CIC: variants seen among roughly 807,000 people sequenced by gnomAD.
CIC encodes the protein capicua transcriptional repressor.
A neutral mutation model predicts 115.7 loss-of-function variants in CIC; 18 were observed. The ratio of observed to expected loss-of-function variants is 0.16; its 90% confidence interval spans 0.11 to 0.23. The LOEUF is 0.23. Among genes scored for constraint, CIC ranks in the 10% least tolerant of loss-of-function variants. The pLI, the probability that CIC is intolerant of heterozygous loss-of-function variation, is 1.00. For missense variants in CIC, 2,000 were observed against 2,159.3 expected (o/e 0.93, Z 1.46); for synonymous variants, 1,076 against 923.0 (o/e 1.17, Z -3.01).
chr19:42,281,770 C>A (rs536471693), intron 2 of CIC, among the ~76,000 whole-genome samples: 9 of 152,368 alleles, frequency 5.9e-5, no homozygotes, highest in Admixed American at 5.9e-4. Flanking sequence ...TGGTTGTACC[C>A]TGCCCCGGAC....
In CIC at chr19:42,272,961, T is replaced by C; in HGVS notation, c.1178T>C (p.Leu393Pro). 2 of 399,034 alleles carry C rather than the reference T, an allele frequency of 5.0e-6. No individual in the cohort carries two copies. The highest frequency in any genetic ancestry group is 7.1e-5 in the East Asian group (2 of 28,072). 24.7% of individuals were successfully genotyped at this position (399,034 alleles called of 1,614,324 possible). Residue 393 changes from leucine (L) to proline (P), a missense_variant, in exon 2 of 21, where the codon CTG becomes CCG. Leu to Pro is a moderately conservative substitution (Grantham distance 98, BLOSUM62 -3). This residue lies in a region of CIC where 222 missense variants were observed against 247.7 expected (regional missense o/e 0.90). Transcript: ENST00000681038. ...EVSKISFGGNLGTHCEEGEEK... is the reference protein window; with the variant it reads ...EVSKISFGGNPGTHCEEGEEK... The stretch of plus-strand genomic sequence containing the variant: ...TCTAAGATCAGCTTTGGTGGCAACC[T>C]GGGTACTCACTGTGAGGAGGGCGAG...
chr19:42,290,945 G>C lies in CIC; in HGVS notation c.4904G>C (p.Ser1635Thr), dbSNP rs2147264758. ...CCTGGGGGCTCCCCGCTGGGTGTCA[G>C]CTTAGTGTATTCGGACAAGAAGTCG... ...RVPGGSPLGV[S>T]LVYSDKKSAA... Residue 1635 changes from serine (S) to threonine (T), a missense_variant, in exon 11 of 21, where the codon AGC becomes ACC. By Grantham distance (58) the Ser-to-Thr change is moderately conservative. Around this residue, in one of 8 missense-constraint regions of CIC, gnomAD observed 1,466 missense variants for 1,390.4 expected, o/e 1.05. Coordinates refer to ENST00000681038, the MANE Select transcript of CIC (RefSeq NM_001386298.1). The C allele has an allele frequency of 1.9e-6, 3 of 1,613,678 alleles. No individual in the cohort carries two copies. Among genetic ancestry groups the C allele is most frequent in the Non-Finnish European group, 2.5e-6 (3 of 1,180,008 alleles).
chr19:42,273,092 C>T lies in CIC; in HGVS notation c.1309C>T (p.Pro437Ser). Reference protein sequence around the residue: ...KSPAFVGPGRPGEQPSPCQEG... With the variant: ...KSPAFVGPGRSGEQPSPCQEG... The stretch of plus-strand genomic sequence containing the variant: ...TCCAGCCTTTGTGGGCCCCGGCCGC[C>T]CTGGCGAGCAGCCCTCGCCCTGCCA... The change falls in exon 2 of 21, where the codon CCT becomes TCT. Residue 437 changes from proline (P) to serine (S), a missense_variant. Pro to Ser is a moderately conservative substitution (Grantham distance 74). Around this residue, in one of 8 missense-constraint regions of CIC, gnomAD observed 222 missense variants for 247.7 expected, o/e 0.90. Transcript: ENST00000681038. The T allele has an allele frequency of 5.0e-6, 2 of 398,810 alleles. No individual in the cohort carries two copies. Among genetic ancestry groups the T allele is most frequent in the Non-Finnish European group, 4.4e-6 (1 of 226,228 alleles). 24.7% of individuals were successfully genotyped at this position (398,810 alleles called of 1,614,324 possible). A position where few individuals can be genotyped will look rare whatever the true frequency, so the allele number is the denominator to read the frequency against.
rs1016000053 is a variant in CIC at position 42,270,059 on chromosome 19, G to A, written c.-11+678G>A. Among the ~76,000 whole-genome samples the A allele has an allele frequency of 6.6e-6, 1 of 152,160 alleles. No individual in the cohort carries two copies. The highest frequency in any genetic ancestry group is 1.5e-5 in the Non-Finnish European group (1 of 68,006). On this transcript the variant is annotated intron_variant, in intron 1 of 20. Coordinates refer to ENST00000681038, the MANE Select transcript of CIC (RefSeq NM_001386298.1). The surrounding 1 kb of genome is among the most constrained non-coding windows in gnomAD (Gnocchi z 4.1). ...GGGCGAAGAGAGGCTGGGCCAGGCAGCAAGGTCTAGGGGTCCAGGCGGCAT... is the reference window on the plus strand; with the variant it reads ...GGGCGAAGAGAGGCTGGGCCAGGCAACAAGGTCTAGGGGTCCAGGCGGCAT...
rs1222909601 is a variant in CIC, at chr19:42,291,389, G to C, written c.5348G>C (p.Gly1783Ala). 6.2e-7 allele frequency: 1 copy of C among 1,612,346 alleles called. No individual in the cohort carries two copies. The highest frequency in any genetic ancestry group is 8.5e-7 in the Non-Finnish European group (1 of 1,179,712). Residue 1783 changes from glycine (G) to alanine (A), a missense_variant, in exon 11 of 21, where the codon GGC becomes GCC. By Grantham distance (60) the Gly-to-Ala change is moderately conservative (BLOSUM62 0). Coordinates refer to ENST00000681038, the MANE Select transcript of CIC (RefSeq NM_001386298.1). ...FTLPPGTSTNGKVLAATAPTP... is the reference protein window; with the variant it reads ...FTLPPGTSTNAKVLAATAPTP... ...CTCCCACCGGGCACTTCCACCAACGGCAAAGTCCTGGCTGCCACTGCACCC... is the reference window on the plus strand; with the variant it reads ...CTCCCACCGGGCACTTCCACCAACGCCAAAGTCCTGGCTGCCACTGCACCC...
rs1257810275 is a variant in CIC, at chr19:42,272,069, G to T, written c.286G>T (p.Asp96Tyr). The T allele has an allele frequency of 5.0e-6, 2 of 398,894 alleles. No homozygotes were observed. Among genetic ancestry groups the T allele is most frequent in the Non-Finnish European group, 8.8e-6 (2 of 226,340 alleles). 24.7% of individuals were successfully genotyped at this position (398,894 alleles called of 1,614,324 possible). A position where few individuals can be genotyped will look rare whatever the true frequency, so the allele number is the denominator to read the frequency against. The change falls in exon 2 of 21, where the codon GAT (aspartate) becomes TAT (tyrosine). Residue 96 changes from aspartate to tyrosine, a missense_variant. Transcript: ENST00000681038. ...APGPAEDPKG[D>Y]GEAGRWEPSL... ...AGGCCCAGCAGAGGACCCCAAAGGG[G>T]ATGGGGAGGCAGGCCGCTGGGAGCC...
chr19:42,284,326 C>T (rs1324520311), intron 2 of CIC: 1 of 144,648 alleles, frequency 6.9e-6, no homozygotes, highest in Admixed American at 6.8e-5. Context: ...CGCGTCGCGC[C>T]CCGCCCCGCC....
At position 42,292,333 on chromosome 19, in the gene CIC, G is replaced by A. The variant is rs1041967614; in HGVS notation, c.5769G>A (p.Ala1923=). The A allele has an allele frequency of 6.2e-6, 10 of 1,612,968 alleles. No individual in the cohort carries two copies. The highest frequency in any genetic ancestry group is 1.1e-5 in the South Asian group (1 of 91,088). Residue 1923 remains alanine, a synonymous_variant, in exon 14 of 21, where the codon GCG becomes GCA. Transcript: ENST00000681038. ...ATGTGCAGTCAGCGGGCGGGCACGC[G>A]CTGCCCCTGGGTACCAGCCCTGCGT... is the stretch of plus-strand genomic sequence containing the variant. ...ITYVQSAGGH[A]LPLGTSPASS...
Position 42,290,468 on chromosome 19 carries a change from C to G in CIC, c.4427C>G (p.Thr1476Arg). The G allele has an allele frequency of 6.2e-7, 1 of 1,613,950 alleles. No individual in the cohort carries two copies. The highest frequency in any genetic ancestry group is 1.7e-4 in the Middle Eastern group (1 of 6,000). ...GCCCAGGAGTCTGGTCAGGGCAGCA[C>G]AGCGGGCCCCCTACGGCCCCCACCC... Reference protein sequence around the residue: ...FKAQESGQGSTAGPLRPPPPG... With the variant: ...FKAQESGQGSRAGPLRPPPPG... Residue 1476 changes from threonine to arginine, a missense_variant, in exon 11 of 21, where the codon ACA (threonine) becomes AGA (arginine). Physicochemically the swap from Thr to Arg is moderately conservative, Grantham distance 71. Transcript: ENST00000681038.
rs763320899 is a variant in CIC, at chr19:42,287,124, C to T, written c.3063C>T (p.His1021=). The T allele has an allele frequency of 1.7e-5, 28 of 1,613,582 alleles. No individual in the cohort carries two copies. The highest frequency in any genetic ancestry group is 3.3e-5 in the South Asian group (3 of 91,078). ...CPESPGPGPP[H]PLGVVESGKG... ...AGAGCCCAGGACCCGGACCCCCACA[C>T]CCTTTGGGGGTGGTGGAATCTGGTA... is the stretch of plus-strand genomic sequence containing the variant. The change falls in exon 4 of 21, where the codon CAC becomes CAT. Residue 1021 remains histidine, a synonymous_variant. Coordinates refer to ENST00000681038, the MANE Select transcript of CIC (RefSeq NM_001386298.1). The surrounding 1 kb of genome is among the most constrained non-coding windows in gnomAD (Gnocchi z 8.7).
chr19:42,273,822 C>A lies in CIC; in HGVS notation c.2039C>A (p.Pro680His). The A allele has an allele frequency of 2.5e-6, 1 of 398,850 alleles. No homozygotes were observed. The highest frequency in any genetic ancestry group is 4.4e-6 in the Non-Finnish European group (1 of 226,252). The allele number at this position is 398,850 out of a possible 1,614,324, so 24.7% of individuals were successfully genotyped here. ...AGVLTPPDLG[P>H]HPPPPAPRER... ...GTGCTGACGCCACCAGACCTGGGCC[C>A]CCACCCACCGCCACCTGCCCCCCGA... is the stretch of plus-strand genomic sequence containing the variant. The change falls in exon 2 of 21, where the codon CCC becomes CAC. Residue 680 changes from proline (P) to histidine (H), a missense_variant. Physicochemically the swap from Pro to His is moderately conservative, Grantham distance 77. Transcript: ENST00000681038.
At position 42,295,124 on chromosome 19, in the gene CIC, G is replaced by T; in HGVS notation, c.7487G>T (p.Gly2496Val). The T allele has an allele frequency of 6.6e-7, 1 of 1,513,256 alleles. No homozygotes were observed. Among genetic ancestry groups the T allele is most frequent in the Non-Finnish European group, 8.8e-7 (1 of 1,137,052 alleles). 93.7% of individuals were successfully genotyped at this position (1,513,256 alleles called of 1,614,324 possible). A position where few individuals can be genotyped will look rare whatever the true frequency, so the allele number is the denominator to read the frequency against. Residue 2496 changes from glycine to valine, a missense_variant, in exon 21 of 21, where the codon GGC becomes GTC. Transcript: ENST00000681038. ...PPPESGPGQP[G>V]WEGAPQPSPP... ...CCAGAGTCGGGGCCTGGACAGCCTG[G>T]CTGGGAGGGGGCTCCCCAGCCCTCC...
rs2036865897 is a variant in CIC, at chr19:42,273,712, C to T, written c.1929C>T (p.Asn643=). 3 of 398,812 alleles carry T rather than the reference C, an allele frequency of 7.5e-6. No individual in the cohort carries two copies. Among genetic ancestry groups the T allele is most frequent in the Admixed American group, 4.4e-5 (1 of 22,718 alleles). The allele number at this position is 398,812 out of a possible 1,614,324, so 24.7% of individuals were successfully genotyped here. The change falls in exon 2 of 21, where the codon AAC becomes AAT. Residue 643 remains asparagine, a synonymous_variant. Coordinates refer to ENST00000681038, the MANE Select transcript of CIC (RefSeq NM_001386298.1). ...PSPLFGFRPA[N]FSPINASPVI... ...CACTCTTCGGCTTCCGCCCTGCCAACTTTAGCCCCATCAATGCCTCACCAG... is the reference window on the plus strand; with the variant it reads ...CACTCTTCGGCTTCCGCCCTGCCAATTTTAGCCCCATCAATGCCTCACCAG...
At position 42,293,098 on chromosome 19, in the gene CIC, C is replaced by T. The variant is rs1161070725; in HGVS notation, c.6339C>T (p.Pro2113=). Residue 2113 remains proline (P), a synonymous_variant, in exon 16 of 21, where the codon CCC becomes CCT. Transcript: ENST00000681038. The part of the protein sequence containing the change: ...AGASGRPGPA[P]RQPLEPGPVR... ...CCTCTGGGCGGCCTGGCCCTGCACCCCGGCAGCCTCTGGAGCCTGGCCCAG... is the reference window on the plus strand; with the variant it reads ...CCTCTGGGCGGCCTGGCCCTGCACCTCGGCAGCCTCTGGAGCCTGGCCCAG... The T allele has an allele frequency of 6.2e-7, 1 of 1,610,002 alleles. No individual in the cohort carries two copies. The highest frequency in any genetic ancestry group is 8.5e-7 in the Non-Finnish European group (1 of 1,178,868).
chr19:42,279,112 C>T (rs539983112), intron 2 of CIC, among the ~76,000 whole-genome samples: 8 of 152,324 alleles, frequency 5.3e-5, no homozygotes, highest in Middle Eastern at 3.4e-3. Context: ...GCCTCAGAGA[C>T]GAGGCAGTAC....
intron 9 of CIC, 81 bp from the exon 10 acceptor site, chr19:42,289,767 T>C: frequency 8.1e-7 from 1 of 1,229,720 alleles, no homozygotes. Context: ...GGAGCAGAGC[T>C]GAGATCCAGG....
chr19:42,293,180 C>T lies in CIC; in HGVS notation c.6421C>T (p.Pro2141Ser), dbSNP rs2038272569. 2.5e-6 allele frequency: 4 copies of T among 1,602,342 alleles called. No individual in the cohort carries two copies. The highest frequency in any genetic ancestry group is 1.7e-5 in the Admixed American group (1 of 58,466). Residue 2141 changes from proline to serine, a missense_variant, in exon 16 of 21, where the codon CCT (proline) becomes TCT (serine). By Grantham distance (74) the Pro-to-Ser change is moderately conservative. Around this residue, in one of 8 missense-constraint regions of CIC, gnomAD observed 1,466 missense variants for 1,390.4 expected, o/e 1.05. Coordinates refer to ENST00000681038, the MANE Select transcript of CIC (RefSeq NM_001386298.1). Reference protein sequence around the residue: ...ELEGQPTPPAPPPLPETWTPT... With the variant: ...ELEGQPTPPASPPLPETWTPT... Reference sequence around the variant, plus strand: ...TGAGGGGCAGCCCACACCACCAGCCCCTCCACCCCTGCCAGAGACCTGGAC... The same window carrying T: ...TGAGGGGCAGCCCACACCACCAGCCTCTCCACCCCTGCCAGAGACCTGGAC...
At position 42,291,135 on chromosome 19, in the gene CIC, G is replaced by T; in HGVS notation, c.5094G>T (p.Gly1698=). Residue 1698 remains glycine (G), a synonymous_variant, in exon 11 of 21, where the codon GGG becomes GGT. Transcript: ENST00000681038. ...TTGCCCAGGGGGCCCCTGGTGGTGG[G>T]ACCACTGCGGGCTCAGGAGCAGGTG... ...QFIAQGAPGG[G]TTAGSGAGAG... is the part of the protein sequence containing the mutation. 5 of 1,608,520 alleles carry T rather than the reference G, an allele frequency of 3.1e-6. No individual in the cohort carries two copies. Among genetic ancestry groups the T allele is most frequent in the Non-Finnish European group, 4.3e-6 (5 of 1,176,252 alleles).
In CIC at chr19:42,295,011, C is replaced by G; in HGVS notation, c.7374C>G (p.Pro2458=). The G allele has an allele frequency of 1.3e-6, 2 of 1,592,960 alleles. No individual in the cohort carries two copies. The highest frequency in any genetic ancestry group is 1.7e-6 in the Non-Finnish European group (2 of 1,176,244). Reference sequence around the variant, plus strand: ...CTGGCACCGCTGCTGCCCCTGCCCCCACTCCCAGCCCCGCAGGGGGCCCTG... The same window carrying G: ...CTGGCACCGCTGCTGCCCCTGCCCCGACTCCCAGCCCCGCAGGGGGCCCTG... ...PPTGTAAAPA[P]TPSPAGGPDP... is the part of the protein sequence containing the mutation. The change falls in exon 21 of 21, where the codon CCC becomes CCG. Residue 2458 remains proline (P), a synonymous_variant. Coordinates refer to ENST00000681038, the MANE Select transcript of CIC (RefSeq NM_001386298.1).
Sources: gnomAD v4.1 joint callset for allele counts (sites outside exome capture counted in the v4.1 genomes callset) on GRCh38, gnomAD v4.1.1 for gene constraint, gnomAD v4.1.1 regional missense constraint, Gnocchi (gnomAD v3.1) non-coding constraint, MANE v1.5 for transcripts, NCBI Gene and HGNC (gene_info 2026-07-23, HGNC 2026-07-21) for gene names.